CSMD1: variants seen among roughly 807,000 people sequenced by gnomAD.
CSMD1 encodes CUB and sushi domain-containing protein 1.
CSMD1 carries 213 observed loss-of-function variants against 417.5 expected under a neutral mutation model. The observed-to-expected ratio is 0.51, with a 90% CI of 0.46 to 0.57. The LOEUF (loss-of-function observed/expected upper bound fraction) is 0.57. CSMD1 is among the 20% of genes least tolerant of loss of function. CSMD1 has a pLI of 0.00. For missense variants in CSMD1, 6,923 were observed against 4,529.7 expected (o/e 1.53, Z -15.17); for synonymous variants, 2,862 against 1,736.8 (o/e 1.65, Z -16.11).
intron 7 of CSMD1, among the ~76,000 whole-genome samples, chr8:3,638,064 G>T (rs1030931093): frequency 1.3e-5 from 2 of 152,164 alleles, no homozygotes; most frequent in Middle Eastern, 3.4e-3. Flanking sequence ...TAGGAGCATG[G>T]CTTTTCTAAC....
At chr8:4,358,944 T>C (rs1206354678) in intron 3 of CSMD1, among the ~76,000 whole-genome samples, 6 of 145,228 alleles carry the variant, frequency 4.1e-5, no homozygotes, top group Non-Finnish European at 8.9e-5. Context: ...GTACATTCAG[T>C]ACTACACTTC....
chr8:4,593,434 A>G (rs1414629181), intron 2 of CSMD1, among the ~76,000 whole-genome samples: 2 of 152,212 alleles, frequency 1.3e-5, no homozygotes, highest in Non-Finnish European at 2.9e-5. Context: ...CAACTGAAAT[A>G]CCCTTAAGCA....
intron 2 of CSMD1, 101 bp from the exon 3 acceptor site, chr8:4,420,166 C>T: frequency 1.4e-6 from 1 of 707,078 alleles, no homozygotes; most frequent in Non-Finnish European, 2.4e-6. Context: ...GTGGTATATT[C>T]ACTTGAAATA....
intron 1 of CSMD1, among the ~76,000 whole-genome samples, chr8:4,758,013 A>G (rs1239125313): frequency 1.3e-5 from 2 of 151,268 alleles, no homozygotes; most frequent in East Asian, 1.9e-4. Context: ...ATTATCCTTG[A>G]GACAGGATTT....
chr8:3,352,805 A>G (rs995327384), intron 21 of CSMD1, among the ~76,000 whole-genome samples: 5 of 152,182 alleles, frequency 3.3e-5, no homozygotes, highest in African/African-American at 4.8e-5. Flanking sequence ...GTGCCATTGC[A>G]CTCTACTCTG....
At chr8:4,439,311 G>C (rs1458120702) in intron 2 of CSMD1, among the ~76,000 whole-genome samples, 3 of 151,940 alleles carry the variant, frequency 2.0e-5, no homozygotes, top group Admixed American at 6.6e-5. Flanking sequence ...AATTACCTTG[G>C]TAATCAATAC....
chr8:3,110,799 C>A (rs754722381), intron 42 of CSMD1, among the ~76,000 whole-genome samples: 9 of 152,140 alleles, frequency 5.9e-5, no homozygotes, highest in Non-Finnish European at 4.4e-5. Flanking sequence ...ATTATCAATT[C>A]TTTACAGATC....
At chr8:3,492,832 T>A (rs543418021) in intron 11 of CSMD1, among the ~76,000 whole-genome samples, 32 of 151,696 alleles carry the variant, frequency 2.1e-4, no homozygotes, top group African/African-American at 4.1e-4. Context: ...CCCCCAACAC[T>A]TTTCCCCCCC....
intron 5 of CSMD1, among the ~76,000 whole-genome samples, chr8:3,816,584 A>G (rs1801382864): frequency 6.6e-6 from 1 of 152,210 alleles, no homozygotes; most frequent in Admixed American, 6.5e-5. Context: ...TTAATAGATT[A>G]GTAGGGTGAC....
At chr8:4,024,026 T>A (rs1458585239) in intron 4 of CSMD1, among the ~76,000 whole-genome samples, 4 of 152,108 alleles carry the variant, frequency 2.6e-5, no homozygotes, top group Non-Finnish European at 5.9e-5. Flanking sequence ...AAGGTTCTAT[T>A]GCAATTGAGA....
At chr8:4,687,186 G>A (rs990072868) in intron 1 of CSMD1, among the ~76,000 whole-genome samples, 1 of 152,202 alleles carries the variant, frequency 6.6e-6, no homozygotes, top group Non-Finnish European at 1.5e-5. Flanking sequence ...CTTAGTGTGA[G>A]CATCAGAGCC....
intron 2 of CSMD1, among the ~76,000 whole-genome samples, chr8:4,620,991 T>C (rs968928576): frequency 3.9e-5 from 6 of 152,008 alleles, no homozygotes; most frequent in Non-Finnish European, 8.8e-5. Context: ...AGAAAGATTT[T>C]AAAAGGGAAT....
chr8:3,856,406 TC>T (rs1436716467), intron 5 of CSMD1, among the ~76,000 whole-genome samples: 1 of 152,202 alleles, frequency 6.6e-6, no homozygotes, highest in Non-Finnish European at 1.5e-5. Context: ...TTACCCAGTT[TC>T]TGCTACTTCT....
At chr8:3,342,222 A>AT (rs573142999) in intron 23 of CSMD1, among the ~76,000 whole-genome samples, 9 of 152,034 alleles carry the variant, frequency 5.9e-5, no homozygotes, top group Non-Finnish European at 8.8e-5. Context: ...TTCACCTGTG[A>AT]TTTTTTCCTC....
intron 7 of CSMD1, among the ~76,000 whole-genome samples, chr8:3,661,446 G>C (rs761949802): frequency 5.3e-5 from 8 of 152,136 alleles, no homozygotes; most frequent in Non-Finnish European, 1.2e-4. Flanking sequence ...TGAATCTGCT[G>C]TGATTCTAGG....
chr8:4,279,990 G>C (rs931129221), intron 3 of CSMD1, among the ~76,000 whole-genome samples: 2 of 152,214 alleles, frequency 1.3e-5, no homozygotes, highest in Admixed American at 6.5e-5. Context: ...GTTTCAAACA[G>C]AAACACAGGG....
chr8:4,116,412 T>G (rs1218148415), intron 3 of CSMD1, among the ~76,000 whole-genome samples: 5 of 151,830 alleles, frequency 3.3e-5, no homozygotes, highest in African/African-American at 1.2e-4. Flanking sequence ...AACCCTAACG[T>G]AAGCTGTACA....
intron 52 of CSMD1, among the ~76,000 whole-genome samples, chr8:3,001,395 G>A (rs530627922): frequency 2.0e-5 from 3 of 151,234 alleles, no homozygotes; most frequent in Non-Finnish European, 4.4e-5. Context: ...TCCCTTCCTC[G>A]CATATATGGA....
At chr8:3,657,420 C>G (rs1217667549) in intron 7 of CSMD1, among the ~76,000 whole-genome samples, 3 of 151,984 alleles carry the variant, frequency 2.0e-5, no homozygotes, top group Non-Finnish European at 4.4e-5. Flanking sequence ...CAGGTGCAAA[C>G]TAAGAAAATG....
Sources: gnomAD v4.1 joint callset for allele counts (sites outside exome capture counted in the v4.1 genomes callset) on GRCh38, gnomAD v4.1.1 for gene constraint, MANE v1.5 for transcripts, NCBI Gene and HGNC (gene_info 2026-07-23, HGNC 2026-07-21) for gene names.